The following ADRA1A variants were observed in gnomAD, a reference collection of about 807,000 sequenced individuals.
ADRA1A encodes alpha-1A adrenergic receptor.
A neutral mutation model predicts 29.6 loss-of-function variants in ADRA1A; 31 were observed. That is an observed-to-expected ratio of 1.05 (90% CI 0.79 to 1.41). ADRA1A has a LOEUF of 1.41. Ranked by LOEUF, ADRA1A falls within the 40% of genes most tolerant of loss-of-function variation. The pLI is 0.00. For missense variants in ADRA1A, 619 were observed against 601.1 expected (o/e 1.03, Z -0.31); for synonymous variants, 311 against 254.3 (o/e 1.22, Z -2.12).
At chr8:26,758,441 T>G (rs994061483) in intron 2 of ADRA1A, among the ~76,000 whole-genome samples, 1 of 152,208 alleles carries the variant, frequency 6.6e-6, no homozygotes, top group Non-Finnish European at 1.5e-5. Flanking sequence ...AGAGGGGAAA[T>G]GAAGATGGGA....
intron 2 of ADRA1A, among the ~76,000 whole-genome samples, chr8:26,824,162 T>C (rs1367880170): frequency 6.6e-6 from 1 of 152,024 alleles, no homozygotes; most frequent in African/African-American, 2.4e-5. Context: ...TATATAATAT[T>C]TTTCCATCTG....
At chr8:26,762,988 A>G (rs1384838359), downstream of ADRA1A, among the ~76,000 whole-genome samples, 1 of 152,152 alleles carries the variant, frequency 6.6e-6, no homozygotes, top group Non-Finnish European at 1.5e-5. The surrounding 1 kb of genome is among the most constrained non-coding windows in gnomAD (Gnocchi z 4.0). Context: ...AGGGCTAAAT[A>G]TGCTTCCCCA....
intron 2 of ADRA1A, among the ~76,000 whole-genome samples, chr8:26,774,852 C>T (rs1350651415): frequency 6.6e-6 from 1 of 152,162 alleles, no homozygotes; most frequent in East Asian, 1.9e-4. Flanking sequence ...CCAAACCTTC[C>T]CCGTCTGGTT....
intron 2 of ADRA1A, chr8:26,756,980 A>G: frequency 1.3e-6 from 1 of 791,996 alleles, no homozygotes; most frequent in African/African-American, 1.7e-5. Context: ...CTCATTAGCC[A>G]GGCTGGTCAC....
chr8:26,863,195 C>A (rs1813611423), intron 2 of ADRA1A, among the ~76,000 whole-genome samples: 1 of 152,142 alleles, frequency 6.6e-6, no homozygotes, highest in African/African-American at 2.4e-5. Context: ...AGCTTACAAA[C>A]TAAAAATAGC....
Position 26,805,207 on chromosome 8 carries a change from G to A in ADRA1A, c.884-34541C>T, listed in dbSNP as rs60134870. On this transcript the variant is annotated intron_variant, in intron 2 of 2. Coordinates refer to ENST00000380573, the MANE Select transcript of ADRA1A (RefSeq NM_000680.4). The surrounding 1 kb of genome is among the most constrained non-coding windows in gnomAD (Gnocchi z 4.8). The stretch of plus-strand genomic sequence containing the variant: ...TGGGGCTCTCACCTCTGCCTACCTG[G>A]CTCTTCACGTGAAGTCGCCTTCCTC... Among the ~76,000 whole-genome samples, 1 of 152,122 alleles carries A rather than the reference G, an allele frequency of 6.6e-6. No individual in the cohort carries two copies. Among genetic ancestry groups the A allele is most frequent in the Non-Finnish European group, 1.5e-5 (1 of 68,018 alleles).
intron 2 of ADRA1A, among the ~76,000 whole-genome samples, chr8:26,777,229 C>T (rs1194802177): frequency 1.3e-5 from 2 of 152,204 alleles, no homozygotes; most frequent in Admixed American, 1.3e-4. Context: ...GACCAGGGCT[C>T]TCTAAGAAGG....
intron 2 of ADRA1A, chr8:26,854,285 C>T (rs55655001): frequency 0.12 from 18,587 of 152,222 alleles, 1,310 homozygotes; most frequent in Non-Finnish European, 0.14. Context: ...TCCAACTACT[C>T]AGGAGGCTGA....
At chr8:26,783,992 A>C (rs28490382) in intron 2 of ADRA1A, among the ~76,000 whole-genome samples, 1 of 57,844 alleles carries the variant, frequency 1.7e-5, no homozygotes. Context: ...CAGGGACACA[A>C]TGGGGGGAAC....
chr8:26,785,403 G>T (rs184363978), intron 2 of ADRA1A, among the ~76,000 whole-genome samples: 1 of 152,110 alleles, frequency 6.6e-6, no homozygotes, highest in Admixed American at 6.5e-5. Context: ...CTGACGTCTG[G>T]ACTACAAATA....
downstream of ADRA1A, chr8:26,766,186 TGA>T: frequency 7.7e-7 from 1 of 1,296,222 alleles, no homozygotes; most frequent in South Asian, 1.2e-5. Context: ...TACAGGTGAG[TGA>T]GAGTGAGTTA....
At chr8:26,789,067 C>T (rs4637844) in intron 2 of ADRA1A, among the ~76,000 whole-genome samples, 14,071 of 152,046 alleles carry the variant, frequency 0.093, 957 homozygotes, top group East Asian at 0.33. Context: ...GCCCCACATG[C>T]ATTAGACCTA....
chr8:26,793,217 AT>A (rs1807957610), intron 2 of ADRA1A, among the ~76,000 whole-genome samples: 1 of 151,994 alleles, frequency 6.6e-6, no homozygotes, highest in Admixed American at 6.6e-5. Context: ...ATGTATGTAT[AT>A]TTTTAAAATG....
At position 26,864,748 on chromosome 8, in the gene ADRA1A, C is replaced by G. The variant is rs201611660; in HGVS notation, c.222G>C (p.Leu74=). ...YIVNLAVADL[L]LTSTVLPFSA... is the part of the protein sequence containing the mutation. Reference sequence around the variant, plus strand: ...AGAAGGGCAGCACCGTGGAGGTGAGCAGGAGGTCGGCCACCGCCAGGTTGA... The same window carrying G: ...AGAAGGGCAGCACCGTGGAGGTGAGGAGGAGGTCGGCCACCGCCAGGTTGA... The change falls in exon 2 of 3, where the codon CTG becomes CTC. Residue 74 remains leucine (L), a synonymous_variant. Transcript: ENST00000380573. This position sits in a 1 kb window ranked among gnomAD's most constrained non-coding sequence, Gnocchi z 8.1. The G allele has an allele frequency of 9.9e-6, 16 of 1,614,092 alleles. No homozygotes were observed. The highest frequency in any genetic ancestry group is 3.3e-5 in the South Asian group (3 of 91,064).
chr8:26,774,267 C>G (rs1806381510), intron 2 of ADRA1A, among the ~76,000 whole-genome samples: 1 of 152,180 alleles, frequency 6.6e-6, no homozygotes, highest in Non-Finnish European at 1.5e-5. Flanking sequence ...TGATGGGGAA[C>G]AGGTGCTGGG....
At position 26,770,049 on chromosome 8, in the gene ADRA1A, T is replaced by C; in HGVS notation, c.*100A>G. 6.7e-7 allele frequency: 1 copy of C among 1,484,804 alleles called. No individual in the cohort carries two copies. Among genetic ancestry groups the C allele is most frequent in the Non-Finnish European group, 8.9e-7 (1 of 1,118,688 alleles). 92.0% of individuals were successfully genotyped at this position (1,484,804 alleles called of 1,614,324 possible). ...CCCCATTCCCAGCAGGTCCCCTCTT[T>C]GATTGGTCCTGTCTTGTCCTCCAAG... On this transcript the variant is annotated 3_prime_UTR_variant, in exon 3 of 3. Transcript: ENST00000380573.
intron 2 of ADRA1A, among the ~76,000 whole-genome samples, chr8:26,856,887 C>G (rs558623384): frequency 6.6e-6 from 1 of 152,296 alleles, no homozygotes; most frequent in Admixed American, 6.5e-5. Context: ...TGCATGAAGC[C>G]TGGCATATGG....
intron 2 of ADRA1A, among the ~76,000 whole-genome samples, chr8:26,786,758 T>C (rs928306375): frequency 6.6e-6 from 1 of 151,456 alleles, no homozygotes; most frequent in African/African-American, 2.4e-5. Flanking sequence ...GGGGGGGGTC[T>C]CTCATTAAAT....
At chr8:26,773,354 T>C (rs961851266) in intron 2 of ADRA1A, among the ~76,000 whole-genome samples, 5 of 152,232 alleles carry the variant, frequency 3.3e-5, no homozygotes, top group African/African-American at 9.6e-5. Context: ...ACATGACTGA[T>C]GGTTTTGTGC....
Sources: allele counts gnomAD v4.1 joint callset (sites outside exome capture counted in the v4.1 genomes callset), GRCh38; gene constraint gnomAD v4.1.1; non-coding constraint Gnocchi (gnomAD v3.1); transcripts MANE v1.5; gene names NCBI Gene and HGNC (gene_info 2026-07-23, HGNC 2026-07-21).